Variants in PRMT2 observed in about 807,000 individuals in gnomAD.
PRMT2 encodes protein arginine methyltransferase 2.
PRMT2 carries 26 observed loss-of-function variants against 57.6 expected under a neutral mutation model. The ratio of observed to expected loss-of-function variants is 0.45; its 90% CI spans 0.33 to 0.63. The LOEUF is 0.63. PRMT2 is among the 20% of genes least tolerant of loss of function. PRMT2 has a pLI of 0.02. For synonymous variants in PRMT2, 219 were observed against 220.0 expected, an observed-to-expected ratio of 1.00 and a Z score of 0.04; for missense variants, 472 against 564.4, an observed-to-expected ratio of 0.84 and a Z score of 1.66.
At chr21:46,639,692 GTGTGTGTGTGTGTGTT>G (rs2061237227) in intron 3 of PRMT2, among the ~76,000 whole-genome samples, 1 of 144,180 alleles carries the variant, frequency 6.9e-6, no homozygotes, top group African/African-American at 2.7e-5. Context: ...TACATAAAGT[GTGTGTGTGTGTGTGTT>G]TGTGTGTGTG....
intron 5 of PRMT2, among the ~76,000 whole-genome samples, chr21:46,644,782 A>C (rs1349394005): frequency 6.6e-6 from 1 of 152,188 alleles, no homozygotes; most frequent in African/African-American, 2.4e-5. Context: ...TAAAAATGTA[A>C]AACCCACTGT....
At chr21:46,662,768 G>A (rs537617286) in intron 10 of PRMT2, among the ~76,000 whole-genome samples, 15 of 152,190 alleles carry the variant, frequency 9.9e-5, no homozygotes, top group Non-Finnish European at 1.9e-4. Flanking sequence ...GAGGAACTTA[G>A]AGATGTTTCC....
At chr21:46,646,221 GC>G (rs904507490) in intron 5 of PRMT2, among the ~76,000 whole-genome samples, 1 of 152,190 alleles carries the variant, frequency 6.6e-6, no homozygotes, top group African/African-American at 2.4e-5. Flanking sequence ...GACTAACTCT[GC>G]AGATACTTTT....
chr21:46,661,146 C>CT (rs892507624), intron 9 of PRMT2, 184 bp downstream of exon 9: 3 of 559,024 alleles, frequency 5.4e-6, no homozygotes, highest in East Asian at 3.4e-5. Flanking sequence ...AGTCTTTTTT[C>CT]TTTTTTACGT....
chr21:46,638,543 C>T (rs1366691719), intron 3 of PRMT2, among the ~76,000 whole-genome samples: 1 of 152,194 alleles, frequency 6.6e-6, no homozygotes, highest in Non-Finnish European at 1.5e-5. Context: ...GGATAATGAT[C>T]AGTTGTTCCC....
intron 3 of PRMT2, among the ~76,000 whole-genome samples, chr21:46,638,472 T>C (rs561596437): frequency 1.3e-5 from 2 of 152,370 alleles, no homozygotes; most frequent in African/African-American, 4.8e-5. Context: ...TCCGTCTCCA[T>C]GCCTCTGTGC....
intron 3 of PRMT2, among the ~76,000 whole-genome samples, chr21:46,642,729 T>C (rs182019861): frequency 2.0e-5 from 3 of 152,176 alleles, no homozygotes; most frequent in Non-Finnish European, 2.9e-5. Flanking sequence ...CTTATTCTTA[T>C]ATAAAGTGAA....
rs1029191079 is a variant in PRMT2 at position 46,652,219 on chromosome 21, C to G, written c.654+2480C>G. The G allele has an allele frequency of 1.7e-5, 23 of 1,373,322 alleles. No homozygotes were observed. The East Asian group carries it at 5.3e-4, about 31-fold the overall frequency. The allele number at this position is 1,373,322 out of a possible 1,614,324, so 85.1% of individuals were successfully genotyped here. A position where few individuals can be genotyped will look rare whatever the true frequency, so the allele number is the denominator to read the frequency against. On this transcript the variant is annotated intron_variant, in intron 7 of 11. Transcript: ENST00000355680. ...TTAAATATTTAAGAAAAGGAGGAAA[C>G]AAAAAAATTGCTACAAGTTTATTTG... is the stretch of plus-strand genomic sequence containing the variant.
intron 3 of PRMT2, among the ~76,000 whole-genome samples, chr21:46,637,770 TATATG>T (rs897830486): frequency 4.6e-5 from 7 of 151,604 alleles, no homozygotes; most frequent in African/African-American, 1.7e-4. Flanking sequence ...TGTATATACA[TATATG>T]TGTGTGTGTG....
chr21:46,653,677 AT>A, intron 7 of PRMT2: 1 of 1,256,226 alleles, frequency 8.0e-7, no homozygotes, highest in Non-Finnish European at 1.0e-6. Context: ...CATGTAGATC[AT>A]TTTACTTTTC....
At chr21:46,654,186 A>T (rs2061506513) in intron 7 of PRMT2, 1 of 955,438 alleles carries the variant, frequency 1.0e-6, no homozygotes, top group Non-Finnish European at 1.2e-6. Context: ...TATGTTAAAA[A>T]ATGTTCATGG....
chr21:46,660,805 C>A (rs769413372), intron 8 of PRMT2, 28 bp from the exon 9 acceptor site: 10 of 1,611,876 alleles, frequency 6.2e-6, no homozygotes, highest in Non-Finnish European at 8.5e-6. Flanking sequence ...CAATGACTCT[C>A]AACAGTCGCT....
At chr21:46,662,002 A>ATGGGGCGCGCAGGAAGGGG (rs2061634195) in intron 10 of PRMT2, 66 bp downstream of exon 10, 2 of 97,568 alleles carry the variant, frequency 2.0e-5, no homozygotes, top group African/African-American at 9.0e-5. Context: ...GGGTGCGGGG[A>ATGGGGCGCGCAGGAAGGGG]TGGGGCGCGC....
At chr21:46,639,689 AGTGTGTGTGTGTGTGTGTTTGTGT>A (rs1569148672) in intron 3 of PRMT2, among the ~76,000 whole-genome samples, 3 of 146,330 alleles carry the variant, frequency 2.1e-5, no homozygotes, top group Non-Finnish European at 4.5e-5. Context: ...GCTTACATAA[AGTGTGTGTGTGTGTGTGTTTGTGT>A]GTGTGTGTGT....
chr21:46,653,721 A>T, intron 7 of PRMT2: 1 of 1,243,996 alleles, frequency 8.0e-7, no homozygotes, highest in Non-Finnish European at 1.0e-6. Flanking sequence ...ACACGCACAC[A>T]CACAAAACCA....
At chr21:46,659,742 C>CT (rs985548484) in intron 8 of PRMT2, 195 of 985,312 alleles carry the variant, frequency 2.0e-4, no homozygotes, top group Non-Finnish European at 1.9e-4. Context: ...AGCCTCCCAC[C>CT]TGAGTGTTCC....
chr21:46,652,328 A>C, intron 7 of PRMT2: 1 of 1,217,722 alleles, frequency 8.2e-7, no homozygotes, highest in Non-Finnish European at 1.0e-6. Context: ...ATTCCCCTTC[A>C]TACATTAGCA....
chr21:46,651,220 TG>T (rs35234350), intron 7 of PRMT2, among the ~76,000 whole-genome samples: 137,111 of 152,158 alleles, frequency 0.9, 61,858 homozygotes, highest in African/African-American at 0.93. Flanking sequence ...GGGGCAGGTG[TG>T]GGGGATGCAG....
chr21:46,643,318 T>C, intron 3 of PRMT2: 1 of 913,430 alleles, frequency 1.1e-6, no homozygotes, highest in Non-Finnish European at 1.4e-6. Context: ...GATGTTCTCT[T>C]TTAGGGTCCA....
Sources: gnomAD v4.1 joint callset for allele counts (sites outside exome capture counted in the v4.1 genomes callset) on GRCh38, gnomAD v4.1.1 for gene constraint, MANE v1.5 for transcripts, NCBI Gene and HGNC (gene_info 2026-07-23, HGNC 2026-07-21) for gene names.